The following ADAMTS10 variants were observed in gnomAD, a reference collection of about 807,000 sequenced individuals.
ADAMTS10 encodes the protein ADAM metallopeptidase with thrombospondin type 1 motif 10.
In ADAMTS10, 48 loss-of-function variants were observed where a neutral mutation model predicts 135.9. The observed-to-expected ratio is 0.35, with a 90% confidence interval of 0.28 to 0.45. The LOEUF (loss-of-function observed/expected upper bound fraction) is 0.45. Among genes scored for constraint, ADAMTS10 ranks in the 20% least tolerant of loss-of-function variants. The pLI is 1.00. For synonymous variants in ADAMTS10, 621 were observed against 647.5 expected, an observed-to-expected ratio of 0.96 and a Z score of 0.62; for missense variants, 1,131 against 1,565.2, an observed-to-expected ratio of 0.72 and a Z score of 4.68.
intron 6 of ADAMTS10, among the ~76,000 whole-genome samples, chr19:8,599,974 A>G (rs1463104689): frequency 2.6e-5 from 4 of 151,880 alleles, no homozygotes; most frequent in African/African-American, 9.7e-5. Flanking sequence ...AGCTGGGATT[A>G]CAGGTGCCCG....
Position 8,586,107 on chromosome 19 carries a change from C to G in ADAMTS10, c.2660+15G>C, listed in dbSNP as rs1555737052. On this transcript the variant is annotated intron_variant, in intron 22 of 25. Coordinates refer to ENST00000597188, the MANE Select transcript of ADAMTS10 (RefSeq NM_030957.4). ...CCTCTCACCCTGAGCAACACTGCCC[C>G]CTGGCGGCACTCACTCTGGAGGGCA... 3 of 1,612,656 alleles carry G rather than the reference C, an allele frequency of 1.9e-6. No individual in the cohort carries two copies. The highest frequency in any genetic ancestry group is 1.7e-6 in the Non-Finnish European group (2 of 1,179,954).
Position 8,585,653 on chromosome 19 carries a change from C to T in ADAMTS10, c.2668G>A (p.Val890Ile). 6.2e-7 allele frequency: 1 copy of T among 1,612,322 alleles called. No individual in the cohort carries two copies. Among genetic ancestry groups the T allele is most frequent in the Non-Finnish European group, 8.5e-7 (1 of 1,179,650 alleles). The stretch of plus-strand genomic sequence containing the variant: ...CGGCTGCAGAGCGACCAGTTCCCTA[C>T]AACCCAGCTGTAAGAGATGAAGGGG... ...NTEPCPPDWVVGNWSLCSRSC... is the reference protein window; with the variant it reads ...NTEPCPPDWVIGNWSLCSRSC... Residue 890 changes from valine (V) to isoleucine (I), a missense_variant, in exon 23 of 26, where the codon GTA (valine) becomes ATA (isoleucine). Around this residue, in one of 3 missense-constraint regions of ADAMTS10, gnomAD observed 745 missense variants for 1,056.3 expected, o/e 0.71. Transcript: ENST00000597188.
intron 12 of ADAMTS10, chr19:8,595,560 C>A: frequency 1.3e-6 from 1 of 790,674 alleles, no homozygotes; most frequent in Non-Finnish European, 2.0e-6. Flanking sequence ...ATTTTTGTTC[C>A]CAAGCACTGT....
intron 25 of ADAMTS10, chr19:8,581,392 T>C (rs565694134): frequency 1.8e-4 from 28 of 158,764 alleles, no homozygotes; most frequent in Middle Eastern, 3.3e-3. Flanking sequence ...CACAGACACA[T>C]TAGTAATGAG....
intron 18 of ADAMTS10, among the ~76,000 whole-genome samples, chr19:8,588,080 C>T (rs782693008): frequency 4.6e-5 from 7 of 151,640 alleles, no homozygotes; most frequent in Non-Finnish European, 1.0e-4. Flanking sequence ...GAAACCCCAT[C>T]TCTTCTAAAG....
rs1222478253 is a variant in ADAMTS10 at position 8,606,079 on chromosome 19, GAGAC to G, written c.-99-274_-99-271del. 6.6e-5 allele frequency among the ~76,000 whole-genome samples: 10 copies of G among 152,162 alleles called. No individual in the cohort carries two copies. The East Asian group carries it at 1.9e-3, about 29-fold the overall frequency. On this transcript the variant is annotated intron_variant, in intron 2 of 25. Transcript: ENST00000597188. The stretch of plus-strand genomic sequence containing the variant: ...CACTGCATTTCTGTTCTTTTGTTAA[GAGAC>G]AGGGCGTTGCTCTGTCACCTAGGAT...
chr19:8,581,125 ATTTACTTTT>A, intron 25 of ADAMTS10, 123 bp from the exon 26 acceptor site: 13 of 230,688 alleles, frequency 5.6e-5, no homozygotes, highest in South Asian at 1.7e-4. Context: ...TTCTTTTTAA[ATTTACTTTT>A]TTTTTTTTTT....
chr19:8,581,099 C>A (rs2042340101), intron 25 of ADAMTS10, 97 bp from the exon 26 acceptor site: 3 of 416,096 alleles, frequency 7.2e-6, no homozygotes, highest in Non-Finnish European at 1.2e-5. Flanking sequence ...CAGTGACTTT[C>A]TGTGCCTTGG....
chr19:8,586,237 C>A lies in ADAMTS10; in HGVS notation c.2545G>T (p.Ala849Ser). 2 of 1,613,174 alleles carry A rather than the reference C, an allele frequency of 1.2e-6. No homozygotes were observed. The highest frequency in any genetic ancestry group is 1.7e-6 in the Non-Finnish European group (2 of 1,179,886). The change falls in exon 22 of 26, where the codon GCG (alanine) becomes TCG (serine). Residue 849 changes from alanine (A) to serine (S), a missense_variant. Coordinates refer to ENST00000597188, the MANE Select transcript of ADAMTS10 (RefSeq NM_030957.4). Reference protein sequence around the residue: ...AQCAGGSQVQAVECRNQLDSS... With the variant: ...AQCAGGSQVQSVECRNQLDSS... ...TCCAGCTGGTTGCGGCACTCCACCG[C>A]CTGCACCTGGCTACCTGGAGGGGAG...
intron 6 of ADAMTS10, among the ~76,000 whole-genome samples, chr19:8,599,112 A>G (rs1211232789): frequency 6.6e-6 from 1 of 151,982 alleles, no homozygotes; most frequent in Non-Finnish European, 1.5e-5. Flanking sequence ...AGCTACCATT[A>G]TATCTCCATT....
intron 4 of ADAMTS10, among the ~76,000 whole-genome samples, chr19:8,604,566 C>T (rs1555742101): frequency 6.6e-6 from 1 of 151,614 alleles, no homozygotes; most frequent in African/African-American, 2.4e-5. Flanking sequence ...ACTGAGACCT[C>T]CCCCTCCTGA....
At chr19:8,600,212 T>C (rs2042647633) in intron 6 of ADAMTS10, among the ~76,000 whole-genome samples, 1 of 152,196 alleles carries the variant, frequency 6.6e-6, no homozygotes, top group Non-Finnish European at 1.5e-5. Flanking sequence ...ACCTTAGCTT[T>C]ATAAAGTAGG....
chr19:8,590,719 CA>C (rs2042513043), intron 15 of ADAMTS10, among the ~76,000 whole-genome samples: 1 of 152,182 alleles, frequency 6.6e-6, no homozygotes, highest in Non-Finnish European at 1.5e-5. Flanking sequence ...CTCGGCCTCC[CA>C]AAGTGCTGGG....
chr19:8,605,839 C>G lies in ADAMTS10; in HGVS notation c.-99-30G>C. ...GAGGGGGGAGCCAGGTAAGGGGGCG[C>G]CTGGTCCCGCTGTCCAGCACAACCA... On this transcript the variant is annotated intron_variant, in intron 2 of 25. Coordinates refer to ENST00000597188, the MANE Select transcript of ADAMTS10 (RefSeq NM_030957.4). This position sits in a 1 kb window ranked among gnomAD's most constrained non-coding sequence, Gnocchi z 7.7. 2.0e-6 allele frequency: 3 copies of G among 1,486,164 alleles called. No homozygotes were observed. The highest frequency in any genetic ancestry group is 1.8e-6 in the Non-Finnish European group (2 of 1,120,984). The allele number at this position is 1,486,164 out of a possible 1,614,324, so 92.1% of individuals were successfully genotyped here. A position where few individuals can be genotyped will look rare whatever the true frequency, so the allele number is the denominator to read the frequency against.
At position 8,585,593 on chromosome 19, in the gene ADAMTS10, C is replaced by A. The variant is rs781952434; in HGVS notation, c.2728G>T (p.Val910Leu). The change falls in exon 23 of 26, where the codon GTG becomes TTG. Residue 910 changes from valine (V) to leucine (L), a missense_variant. Physicochemically the swap from Val to Leu is conservative, Grantham distance 32 (BLOSUM62 1). This residue lies in a region of ADAMTS10 where 745 missense variants were observed against 1,056.3 expected (regional missense o/e 0.71). Coordinates refer to ENST00000597188, the MANE Select transcript of ADAMTS10 (RefSeq NM_030957.4). ...GCGGCAGAGACGCGGCGCTGGCACA[C>A]GACCGAGCGGCTGCGCACGCCTGCA... ...CDAGVRSRSVVCQRRVSAAEE... is the reference protein window; with the variant it reads ...CDAGVRSRSVLCQRRVSAAEE... 27 of 1,610,018 alleles carry A rather than the reference C, an allele frequency of 1.7e-5. No individual in the cohort carries two copies. Among genetic ancestry groups the A allele is most frequent in the Non-Finnish European group, 2.2e-5 (26 of 1,178,826 alleles).
Position 8,597,250 on chromosome 19 carries a change from A to G in ADAMTS10, c.878T>C (p.Leu293Pro). The G allele has an allele frequency of 6.2e-7, 1 of 1,614,216 alleles. No homozygotes were observed. The highest frequency in any genetic ancestry group is 8.5e-7 in the Non-Finnish European group (1 of 1,180,040). ...CCCCCGCACCTGGTCCTCCGTGAGC[A>G]GGATGAGGCGAGTTACGAGGATGTT... The part of the protein sequence containing the change: ...TVNILVTRLI[L>P]LTEDQPTLEI... The change falls in exon 7 of 26, where the codon CTG (leucine) becomes CCG (proline). Residue 293 changes from leucine (L) to proline (P), a missense_variant. By Grantham distance (98) the Leu-to-Pro change is moderately conservative. Around this residue, in one of 3 missense-constraint regions of ADAMTS10, gnomAD observed 80 missense variants for 164.4 expected, o/e 0.49. Transcript: ENST00000597188.
At chr19:8,609,007 G>C (rs2042751852) in intron 1 of ADAMTS10, among the ~76,000 whole-genome samples, 1 of 151,354 alleles carries the variant, frequency 6.6e-6, no homozygotes, top group Non-Finnish European at 1.5e-5. Context: ...GCACCAGGTG[G>C]TGGGGGGACA....
chr19:8,580,559 C>T lies in ADAMTS10; in HGVS notation c.*334G>A. 3.1e-6 allele frequency: 1 copy of T among 321,142 alleles called. No homozygotes were observed. The highest frequency in any genetic ancestry group is 6.1e-6 in the Non-Finnish European group (1 of 162,744). The allele number at this position is 321,142 out of a possible 1,614,324, so 19.9% of individuals were successfully genotyped here. On this transcript the variant is annotated 3_prime_UTR_variant, in exon 26 of 26. Coordinates refer to ENST00000597188, the MANE Select transcript of ADAMTS10 (RefSeq NM_030957.4). ...ACCCCTACTCTTCACAGTACATATT[C>T]CGATCAAAGGAGGGGGGGAGTGTTG...
At chr19:8,604,799 G>T in intron 4 of ADAMTS10, 1 of 628,948 alleles carries the variant, frequency 1.6e-6, no homozygotes, top group Non-Finnish European at 2.7e-6. Context: ...AATTTTTTGA[G>T]ATTGATGTTT....
Sources: allele counts gnomAD v4.1 joint callset (sites outside exome capture counted in the v4.1 genomes callset), GRCh38; gene constraint gnomAD v4.1.1; regional missense constraint gnomAD v4.1.1; non-coding constraint Gnocchi (gnomAD v3.1); transcripts MANE v1.5; gene names NCBI Gene and HGNC (gene_info 2026-07-23, HGNC 2026-07-21).